ARHGAP6: variants seen among roughly 807,000 people sequenced by gnomAD.
The protein encoded by ARHGAP6 is Rho GTPase activating protein 6.
ARHGAP6 carries 16 observed loss-of-function variants against 55.7 expected under a neutral mutation model. The observed-to-expected ratio is 0.29, with a 90% CI of 0.19 to 0.44. The LOEUF (loss-of-function observed/expected upper bound fraction) is 0.44. Ranked by LOEUF, ARHGAP6 falls within the 20% of genes least tolerant of loss-of-function variation. The probability of loss-of-function intolerance (pLI) is 1.00; values close to 1 mark genes in which losing one functional copy is unlikely to be tolerated. For missense variants in ARHGAP6, 698 were observed against 808.9 expected (o/e 0.86, Z 1.66); for synonymous variants, 382 against 360.9 (o/e 1.06, Z -0.66).
At chrX:11,518,266 G>C (rs2050866787) in intron 1 of ARHGAP6, among the ~76,000 whole-genome samples, 1 of 109,420 alleles carries the variant, frequency 9.1e-6, no homozygotes, top group Admixed American at 9.9e-5. Flanking sequence ...TCAGCCTCTC[G>C]AGTAGCTGTG....
At chrX:11,388,476 T>C (rs2049359974) in intron 1 of ARHGAP6, among the ~76,000 whole-genome samples, 1 of 112,093 alleles carries the variant, frequency 8.9e-6, no homozygotes, top group Non-Finnish European at 1.9e-5. Context: ...ATGAGTAGAT[T>C]GCAAAAATTT....
At chrX:11,661,396 C>T (rs2052702000) in intron 1 of ARHGAP6, among the ~76,000 whole-genome samples, 1 of 112,708 alleles carries the variant, frequency 8.9e-6, no homozygotes, top group Non-Finnish European at 1.9e-5. Flanking sequence ...TGAGGAAATG[C>T]TAACAAGATC....
chrX:11,452,417 G>A (rs2050152119), intron 1 of ARHGAP6, among the ~76,000 whole-genome samples: 2 of 111,710 alleles, frequency 1.8e-5, no homozygotes, highest in South Asian at 7.5e-4. Context: ...CAAAGTTCTA[G>A]GATTACAGGC....
chrX:11,618,941 G>A (rs1055624184), intron 1 of ARHGAP6, among the ~76,000 whole-genome samples: 1 of 110,737 alleles, frequency 9.0e-6, no homozygotes, highest in African/African-American at 3.3e-5. Flanking sequence ...TTTTAATGCA[G>A]ACAATCCCCA....
At chrX:11,456,596 G>A (rs1190546220) in intron 1 of ARHGAP6, among the ~76,000 whole-genome samples, 1 of 111,248 alleles carries the variant, frequency 9.0e-6, no homozygotes, top group Non-Finnish European at 1.9e-5. Context: ...AAGGGGTGGA[G>A]GTGGGGCAAG....
intron 1 of ARHGAP6, among the ~76,000 whole-genome samples, chrX:11,624,172 T>G (rs2052266212): frequency 8.9e-6 from 1 of 112,331 alleles, no homozygotes; most frequent in African/African-American, 3.2e-5. Flanking sequence ...AATATCCATA[T>G]GCAGAAGAAT....
Position 11,596,755 on chromosome X carries a change from A to C in ARHGAP6, c.588+67486T>G, listed in dbSNP as rs759416854. Reference sequence around the variant, plus strand: ...CTCTTCTAAATTCTCTGGTCTCATGACTCATACTTATCTTTGATACTCAAA... The same window carrying C: ...CTCTTCTAAATTCTCTGGTCTCATGCCTCATACTTATCTTTGATACTCAAA... On this transcript the variant is annotated intron_variant, in intron 1 of 12. Transcript: ENST00000337414. Among the ~76,000 whole-genome samples, 7 of 110,741 alleles carry C rather than the reference A, an allele frequency of 6.3e-5. No homozygotes were observed. In the South Asian group the frequency reaches 1.2e-3, roughly 18 times the overall value.
intron 1 of ARHGAP6, among the ~76,000 whole-genome samples, chrX:11,569,562 C>T (rs765862587): frequency 1.8e-5 from 2 of 111,577 alleles, no homozygotes; most frequent in East Asian, 5.6e-4. Flanking sequence ...ACTCTACCAC[C>T]AATGGGAACA....
intron 1 of ARHGAP6, among the ~76,000 whole-genome samples, chrX:11,414,552 G>GAA (rs936892977): frequency 9.5e-6 from 1 of 104,732 alleles, no homozygotes; most frequent in African/African-American, 3.5e-5. Flanking sequence ...GAGCAAACTG[G>GAA]AAAAAAAAAC....
At chrX:11,502,999 G>A (rs1484556683) in intron 1 of ARHGAP6, among the ~76,000 whole-genome samples, 2 of 110,737 alleles carry the variant, frequency 1.8e-5, no homozygotes, top group African/African-American at 3.3e-5. Flanking sequence ...GATTGCAAGC[G>A]ATTCTCTTGC....
At chrX:11,169,782 T>G (rs1217938786) in intron 8 of ARHGAP6, 98 bp from the exon 9 acceptor site, 1 of 694,481 alleles carries the variant, frequency 1.4e-6, no homozygotes, top group African/African-American at 2.3e-5. Flanking sequence ...CCTTTTTTTT[T>G]TTTAATCCTG....
intron 1 of ARHGAP6, among the ~76,000 whole-genome samples, chrX:11,562,315 A>G (rs1056844671): frequency 4.5e-5 from 5 of 111,977 alleles, no homozygotes; most frequent in African/African-American, 1.6e-4. Flanking sequence ...CTGCCCTCAG[A>G]TCCACATCAG....
intron 10 of ARHGAP6, among the ~76,000 whole-genome samples, chrX:11,153,422 G>A (rs778378043): frequency 1.9e-5 from 2 of 106,899 alleles, no homozygotes; most frequent in Non-Finnish European, 3.9e-5. Flanking sequence ...CTACTTGGGA[G>A]GCTGAGGCAG....
At chrX:11,634,011 T>C (rs1385683509) in intron 1 of ARHGAP6, among the ~76,000 whole-genome samples, 1 of 110,789 alleles carries the variant, frequency 9.0e-6, no homozygotes, top group African/African-American at 3.3e-5. Flanking sequence ...AAATGTTCAC[T>C]GAAAAGCATT....
intron 1 of ARHGAP6, among the ~76,000 whole-genome samples, chrX:11,340,035 T>C (rs1311839036): frequency 8.9e-6 from 1 of 111,846 alleles, no homozygotes; most frequent in Non-Finnish European, 1.9e-5. Flanking sequence ...CCACAGCTGC[T>C]GCCAAGCCCA....
chrX:11,339,194 T>G (rs1038691552), intron 1 of ARHGAP6, among the ~76,000 whole-genome samples: 1 of 112,405 alleles, frequency 8.9e-6, no homozygotes, highest in African/African-American at 3.2e-5. Flanking sequence ...TTGCCTGAAG[T>G]GCTTGAGATG....
chrX:11,664,838 G>A lies in ARHGAP6; in HGVS notation c.-10C>T. On this transcript the variant is annotated 5_prime_UTR_variant, in exon 1 of 13. Transcript: ENST00000337414. ...GGCTCTGCGCGGACATCTCGGCGGG[G>A]CTGCACCTGAGGACCACCTCCTCCT... 1 of 1,168,836 alleles carries A rather than the reference G, an allele frequency of 8.6e-7. No individual in the cohort carries two copies. The highest frequency in any genetic ancestry group is 3.0e-4 in the Middle Eastern group (1 of 3,318).
chrX:11,408,674 G>T (rs2049641060), intron 1 of ARHGAP6, among the ~76,000 whole-genome samples: 1 of 110,064 alleles, frequency 9.1e-6, no homozygotes. Context: ...TGTAGAAATT[G>T]CCGTTCAGTG....
At chrX:11,551,692 T>TGTGAAATAGG (rs1218008666) in intron 1 of ARHGAP6, among the ~76,000 whole-genome samples, 3 of 111,844 alleles carry the variant, frequency 2.7e-5, no homozygotes, top group Admixed American at 9.5e-5. Flanking sequence ...CTGGTGTCCT[T>TGTGAAATAGG]GTGAAATAGG....
Sources: gnomAD v4.1 joint callset for allele counts (sites outside exome capture counted in the v4.1 genomes callset) on GRCh38, gnomAD v4.1.1 for gene constraint, MANE v1.5 for transcripts, NCBI Gene and HGNC (gene_info 2026-07-23, HGNC 2026-07-21) for gene names.